The following DLG2 variants were observed in gnomAD, a reference collection of about 807,000 sequenced individuals.
DLG2 encodes the protein disks large homolog 2.
In DLG2, 45 loss-of-function variants were observed where a neutral mutation model predicts 132.5. The observed-to-expected ratio is 0.34, with a 90% CI of 0.27 to 0.44. The LOEUF (loss-of-function observed/expected upper bound fraction) is 0.44. Ranked by LOEUF, DLG2 falls within the 20% of genes least tolerant of loss-of-function variation. The pLI, the probability that DLG2 is intolerant of heterozygous loss-of-function variation, is 1.00. For missense variants in DLG2, 1,045 were observed against 1,196.9 expected, an observed-to-expected ratio of 0.87 and a Z score of 1.87; for synonymous variants, 424 against 419.6, an observed-to-expected ratio of 1.01 and a Z score of -0.13.
At chr11:83,926,657 T>G (rs1591187000) in intron 15 of DLG2, among the ~76,000 whole-genome samples, 1 of 152,260 alleles carries the variant, frequency 6.6e-6, no homozygotes, top group South Asian at 2.1e-4. Context: ...CCATGAGGTG[T>G]AATAAGACGT....
In DLG2 at chr11:85,229,173, G is replaced by GC. The variant is rs1271858177; in HGVS notation, c.186+56046_186+56047insG. ...TCATATGTTGTATACATATCCTATA[G>GC]ATCAACAACACAGTATTTTTTTTTT... On this transcript the variant is annotated intron_variant, in intron 4 of 27. Coordinates refer to ENST00000376104, the MANE Select transcript of DLG2 (RefSeq NM_001142699.3). Among the ~76,000 whole-genome samples, 15 of 123,888 alleles carry GC rather than the reference G, an allele frequency of 1.2e-4. 1 individual carries two copies. Among genetic ancestry groups the GC allele is most frequent in the African/African-American group, 4.3e-4 (15 of 34,570 alleles). The allele number at this position is 123,888 out of a possible 152,430, so 81.3% of individuals were successfully genotyped here.
chr11:85,444,125 A>G (rs963426509), intron 3 of DLG2, among the ~76,000 whole-genome samples: 1 of 152,220 alleles, frequency 6.6e-6, no homozygotes, highest in Non-Finnish European at 1.5e-5. Context: ...TCATTCACCT[A>G]CTACCTCAAT....
intron 11 of DLG2, among the ~76,000 whole-genome samples, chr11:84,037,047 A>C (rs1201020040): frequency 6.6e-6 from 1 of 152,112 alleles, no homozygotes; most frequent in African/African-American, 2.4e-5. Flanking sequence ...TTAGGGTAGA[A>C]ATACATATGA....
intron 3 of DLG2, among the ~76,000 whole-genome samples, chr11:85,583,118 G>C (rs1327777959): frequency 5.5e-4 from 32 of 58,504 alleles, no homozygotes; most frequent in Middle Eastern, 7.1e-3. Flanking sequence ...GTGTGTGTGT[G>C]TGTGTGTGTG....
chr11:84,330,276 C>T (rs2098452644), intron 7 of DLG2, among the ~76,000 whole-genome samples: 6 of 152,158 alleles, frequency 3.9e-5, no homozygotes, highest in Admixed American at 3.9e-4. Flanking sequence ...CTTATTTTCT[C>T]AAATTATATT....
intron 21 of DLG2, among the ~76,000 whole-genome samples, chr11:83,510,285 G>C (rs922339464): frequency 6.7e-6 from 1 of 148,666 alleles, no homozygotes; most frequent in Non-Finnish European, 1.5e-5. Flanking sequence ...TGTTGACTCA[G>C]TTTCAGGAGC....
chr11:84,299,710 G>A (rs2098131523), intron 7 of DLG2, among the ~76,000 whole-genome samples: 1 of 152,182 alleles, frequency 6.6e-6, no homozygotes, highest in Non-Finnish European at 1.5e-5. Context: ...AGTCCATAGG[G>A]AACTCCCAAT....
intron 4 of DLG2, among the ~76,000 whole-genome samples, chr11:85,161,778 A>C (rs2078047440): frequency 6.6e-6 from 1 of 152,216 alleles, no homozygotes; most frequent in Admixed American, 6.5e-5. Flanking sequence ...TGAAGTCACA[A>C]TTACAACACC....
intron 6 of DLG2, among the ~76,000 whole-genome samples, chr11:84,759,257 T>G (rs2067286599): frequency 6.6e-6 from 1 of 152,154 alleles, no homozygotes; most frequent in African/African-American, 2.4e-5. Context: ...GTGAATAAAA[T>G]TCTCATTGCC....
At chr11:84,373,203 GTTAC>G (rs1489436350) in intron 7 of DLG2, among the ~76,000 whole-genome samples, 1 of 122,924 alleles carries the variant, frequency 8.1e-6, no homozygotes, top group Non-Finnish European at 1.6e-5. Flanking sequence ...TCTCAACAAT[GTTAC>G]TTAATTTCTC....
chr11:85,332,406 T>C (rs2081826479), intron 3 of DLG2, among the ~76,000 whole-genome samples: 1 of 152,172 alleles, frequency 6.6e-6, no homozygotes, highest in African/African-American at 2.4e-5. Context: ...TTTCTCCCAT[T>C]CTGCAGGTTG....
intron 6 of DLG2, among the ~76,000 whole-genome samples, chr11:84,942,750 G>A (rs1294547880): frequency 6.6e-6 from 1 of 152,130 alleles, no homozygotes; most frequent in Non-Finnish European, 1.5e-5. Context: ...TTGGTCTATG[G>A]TGCAGATTGA....
At chr11:83,761,873 T>C (rs1809482957) in intron 18 of DLG2, among the ~76,000 whole-genome samples, 1 of 152,174 alleles carries the variant, frequency 6.6e-6, no homozygotes, top group South Asian at 2.1e-4. Flanking sequence ...TGTATCTTTA[T>C]TTGGATGTGG....
intron 18 of DLG2, among the ~76,000 whole-genome samples, chr11:83,662,851 G>A (rs2074654308): frequency 6.6e-6 from 1 of 152,164 alleles, no homozygotes; most frequent in Non-Finnish European, 1.5e-5. Flanking sequence ...GTAGCAGACT[G>A]GCACAGGATC....
chr11:84,606,562 C>A (rs1374616799), intron 6 of DLG2, among the ~76,000 whole-genome samples: 1 of 151,914 alleles, frequency 6.6e-6, no homozygotes, highest in Non-Finnish European at 1.5e-5. Context: ...TGCAAAACTG[C>A]AAGATAAAAT....
chr11:85,122,978 T>A (rs1167941392), intron 5 of DLG2, among the ~76,000 whole-genome samples: 4,091 of 44,534 alleles, frequency 0.092, 121 homozygotes, highest in South Asian at 0.17. Context: ...TATTTTTTTT[T>A]TTTTTTTTTT....
intron 17 of DLG2, among the ~76,000 whole-genome samples, chr11:83,830,567 C>T (rs1378322804): frequency 6.6e-6 from 1 of 152,140 alleles, no homozygotes; most frequent in African/African-American, 2.4e-5. Context: ...CTCAAAAGTA[C>T]CATGTAAGTA....
intron 18 of DLG2, among the ~76,000 whole-genome samples, chr11:83,785,908 C>T (rs1316796649): frequency 6.6e-6 from 1 of 152,244 alleles, no homozygotes; most frequent in East Asian, 1.9e-4. Flanking sequence ...TTCTTGAAGA[C>T]AGTAGCCATT....
intron 6 of DLG2, among the ~76,000 whole-genome samples, chr11:84,855,625 G>A (rs553941750): frequency 1.7e-4 from 26 of 152,196 alleles, no homozygotes; most frequent in Non-Finnish European, 3.7e-4. Flanking sequence ...TGCTAGCTAA[G>A]AAAGGCAGAG....
Sources: gnomAD v4.1 joint callset for allele counts (sites outside exome capture counted in the v4.1 genomes callset) on GRCh38, gnomAD v4.1.1 for gene constraint, MANE v1.5 for transcripts, NCBI Gene and HGNC (gene_info 2026-07-23, HGNC 2026-07-21) for gene names.